The following GRK3 variants were observed in gnomAD, a reference collection of about 807,000 sequenced individuals.
GRK3 encodes G protein-coupled receptor kinase 3.
In GRK3, 54 loss-of-function variants were observed where a neutral mutation model predicts 95.7. The observed-to-expected ratio is 0.56, with a 90% CI of 0.45 to 0.71. The LOEUF (loss-of-function observed/expected upper bound fraction) is 0.71, where lower values mean the gene tolerates loss of function less well. Among genes scored for constraint, GRK3 ranks in the 30% least tolerant of loss-of-function variants. GRK3 has a pLI of 0.00. For synonymous variants in GRK3, 281 were observed against 290.8 expected (o/e 0.97, Z 0.34); for missense variants, 649 against 851.2 (o/e 0.76, Z 2.96).
chr22:25,566,311 T>C (rs2146306502), intron 1 of GRK3, among the ~76,000 whole-genome samples: 1 of 152,352 alleles, frequency 6.6e-6, no homozygotes, highest in Non-Finnish European at 1.5e-5. Flanking sequence ...CCATTTGAAA[T>C]CATCAGTCCT....
chr22:25,611,509 C>A (rs111883374), intron 2 of GRK3, among the ~76,000 whole-genome samples: 2,892 of 152,190 alleles, frequency 0.019, 44 homozygotes, highest in Non-Finnish European at 0.028. Context: ...TTTTTGTATC[C>A]ATTTGAATGG....
chr22:25,605,643 A>G (rs2084440285), intron 2 of GRK3, among the ~76,000 whole-genome samples: 2 of 152,256 alleles, frequency 1.3e-5, no homozygotes, highest in Admixed American at 1.3e-4. Flanking sequence ...CTTTTTGTGT[A>G]TTCACCGTCA....
rs982998690 is a variant in GRK3, at chr22:25,661,612, C to T, written c.301C>T (p.Arg101Cys). 3.7e-6 allele frequency: 6 copies of T among 1,612,598 alleles called. No homozygotes were observed. The highest frequency in any genetic ancestry group is 2.2e-5 in the South Asian group (2 of 90,952). ...EYEKLDNEEDRLCRSRQIYDA... is the reference protein window; with the variant it reads ...EYEKLDNEEDCLCRSRQIYDA... ...TGAAAAACTTGATAATGAGGAAGAC[C>T]GCCTTTGCAGAAGTCGACAAATTTA... The change falls in exon 4 of 21, where the codon CGC (arginine) becomes TGC (cysteine). Residue 101 changes from arginine (R) to cysteine (C), a missense_variant. By Grantham distance (180) the Arg-to-Cys change is radical. Around this residue, in one of 3 missense-constraint regions of GRK3, gnomAD observed 206 missense variants for 231.4 expected, o/e 0.89. Transcript: ENST00000324198.
At chr22:25,577,878 C>T (rs1931961214) in intron 1 of GRK3, among the ~76,000 whole-genome samples, 1 of 152,156 alleles carries the variant, frequency 6.6e-6, no homozygotes. Context: ...TGGGCATAGT[C>T]TACTCTACGT....
intron 15 of GRK3, among the ~76,000 whole-genome samples, chr22:25,707,518 G>A (rs539786212): frequency 4.6e-5 from 7 of 152,196 alleles, no homozygotes; most frequent in South Asian, 2.1e-4. Flanking sequence ...GAAAGCCATG[G>A]TGTAGAATTA....
intron 6 of GRK3, 96 bp from the exon 7 acceptor site, chr22:25,672,200 C>A: frequency 1.7e-6 from 1 of 601,400 alleles, no homozygotes; most frequent in Non-Finnish European, 2.9e-6. Context: ...GACAAGCAAC[C>A]CAAGTAATGC....
chr22:25,716,562 G>A (rs2085386905), intron 18 of GRK3, among the ~76,000 whole-genome samples: 1 of 151,950 alleles, frequency 6.6e-6, no homozygotes, highest in South Asian at 2.1e-4. Context: ...GTAGGTCTTG[G>A]CTGACAATCT....
At position 25,716,928 on chromosome 22, in the gene GRK3, C is replaced by T. The variant is rs114555915; in HGVS notation, c.1655-1317C>T. Among the ~76,000 whole-genome samples the T allele has an allele frequency of 5.4e-3, 829 of 152,238 alleles. 7 individuals carry two copies. The highest frequency in any genetic ancestry group is 0.018 in the African/African-American group (744 of 41,558). ...TGCAAACCCTATCATGAACTGCGCACGTGAGGGATCTAGGTTACGTGCTCC... is the reference window on the plus strand; with the variant it reads ...TGCAAACCCTATCATGAACTGCGCATGTGAGGGATCTAGGTTACGTGCTCC... On this transcript the variant is annotated intron_variant, in intron 18 of 20. Coordinates refer to ENST00000324198, the MANE Select transcript of GRK3 (RefSeq NM_005160.4).
intron 20 of GRK3, 23 bp from the exon 21 acceptor site, chr22:25,722,266 G>A: frequency 1.2e-6 from 2 of 1,609,476 alleles, no homozygotes; most frequent in Non-Finnish European, 8.5e-7. Context: ...TGTCACAACG[G>A]CTGCCTTTGT....
chr22:25,680,062 G>A (rs898477298), intron 9 of GRK3, among the ~76,000 whole-genome samples: 1 of 151,920 alleles, frequency 6.6e-6, no homozygotes, highest in African/African-American at 2.4e-5. Context: ...ATGTTTTTTC[G>A]TTTGTCACCT....
At chr22:25,604,906 C>T (rs2084433762) in intron 2 of GRK3, among the ~76,000 whole-genome samples, 1 of 152,148 alleles carries the variant, frequency 6.6e-6, no homozygotes, top group Non-Finnish European at 1.5e-5. Context: ...ACTGATAGAT[C>T]CCTTTAAGAC....
intron 2 of GRK3, among the ~76,000 whole-genome samples, chr22:25,613,251 T>C (rs2084512390): frequency 6.6e-6 from 1 of 151,942 alleles, no homozygotes; most frequent in Admixed American, 6.6e-5. Context: ...TGTTTGGAAG[T>C]GTTTGTTTCT....
chr22:25,590,295 T>G (rs534357607), intron 1 of GRK3, among the ~76,000 whole-genome samples: 6 of 151,570 alleles, frequency 4.0e-5, no homozygotes, highest in African/African-American at 1.5e-4. Context: ...TCAATGCACA[T>G]TCTCATTTCT....
intron 1 of GRK3, among the ~76,000 whole-genome samples, chr22:25,579,928 T>G (rs1218138565): frequency 6.6e-6 from 1 of 152,178 alleles, no homozygotes; most frequent in East Asian, 1.9e-4. Context: ...ATGGGGAATT[T>G]CAGATGGAGA....
intron 3 of GRK3, among the ~76,000 whole-genome samples, chr22:25,658,184 T>A (rs982095816): frequency 6.6e-6 from 1 of 152,214 alleles, no homozygotes; most frequent in African/African-American, 2.4e-5. Context: ...TTGGTTTTCA[T>A]TGATGGTTTG....
At chr22:25,635,223 T>C (rs966637251) in intron 2 of GRK3, among the ~76,000 whole-genome samples, 1 of 152,206 alleles carries the variant, frequency 6.6e-6, no homozygotes, top group East Asian at 1.9e-4. Flanking sequence ...ACAGTTTCAT[T>C]GTTTGCATAC....
At chr22:25,622,601 T>C (rs143749525) in intron 2 of GRK3, among the ~76,000 whole-genome samples, 174 of 152,026 alleles carry the variant, frequency 1.1e-3, no homozygotes, top group African/African-American at 4.0e-3. Flanking sequence ...GGGTTTTGAG[T>C]GTGATGGGAA....
chr22:25,716,280 G>T (rs938930419), intron 18 of GRK3, among the ~76,000 whole-genome samples: 12 of 152,118 alleles, frequency 7.9e-5, no homozygotes, highest in African/African-American at 2.4e-4. Context: ...GAGCCACTGC[G>T]CCCGGCCATA....
intron 12 of GRK3, among the ~76,000 whole-genome samples, chr22:25,693,261 C>T (rs530614991): frequency 6.6e-6 from 1 of 152,310 alleles, no homozygotes; most frequent in East Asian, 1.9e-4. Context: ...GAAGCATTAG[C>T]AGCTGCCTTA....
Sources: allele counts gnomAD v4.1 joint callset (sites outside exome capture counted in the v4.1 genomes callset), GRCh38; gene constraint gnomAD v4.1.1; regional missense constraint gnomAD v4.1.1; transcripts MANE v1.5; gene names NCBI Gene and HGNC (gene_info 2026-07-23, HGNC 2026-07-21).